NALCN: variants seen among roughly 807,000 people sequenced by gnomAD.
NALCN encodes sodium leak channel, non-selective.
A neutral mutation model predicts 225.3 loss-of-function variants in NALCN; 111 were observed. The observed-to-expected ratio is 0.49, with a 90% confidence interval of 0.42 to 0.58. The LOEUF is 0.58. Ranked by LOEUF, NALCN falls within the 20% of genes least tolerant of loss-of-function variation. The pLI is 0.00. For missense variants in NALCN, 1,378 were observed against 2,202.4 expected, an observed-to-expected ratio of 0.63 and a Z score of 7.49; for synonymous variants, 764 against 769.0, an observed-to-expected ratio of 0.99 and a Z score of 0.11.
chr13:101,286,743 ATAAT>A (rs1050588404), intron 9 of NALCN, among the ~76,000 whole-genome samples: 1 of 151,374 alleles, frequency 6.6e-6, no homozygotes, highest in Non-Finnish European at 1.5e-5. Flanking sequence ...TTCTCATTCT[ATAAT>A]TAAATATTTT....
chr13:101,218,096 G>T (rs764601272), intron 13 of NALCN, among the ~76,000 whole-genome samples: 1 of 151,998 alleles, frequency 6.6e-6, no homozygotes, highest in African/African-American at 2.4e-5. Context: ...GCCAATGAGA[G>T]ATGACAGCAA....
Position 101,055,010 on chromosome 13 carries a change from A to G in NALCN, c.*285T>C, listed in dbSNP as rs113313881. On this transcript the variant is annotated 3_prime_UTR_variant, in exon 44 of 44. Transcript: ENST00000251127. ...TATGAATATATACCTTAGTTTACGC[A>G]GACAGAATATATGACATTTTTAAGT... 3.6e-5 allele frequency: 14 copies of G among 392,918 alleles called. No homozygotes were observed. The highest frequency in any genetic ancestry group is 2.6e-4 in the African/African-American group (13 of 49,202). The allele number at this position is 392,918 out of a possible 1,614,324, so 24.3% of individuals were successfully genotyped here.
At chr13:101,394,251 C>T (rs2047222235) in intron 3 of NALCN, among the ~76,000 whole-genome samples, 1 of 152,166 alleles carries the variant, frequency 6.6e-6, no homozygotes, top group Non-Finnish European at 1.5e-5. Flanking sequence ...TGATCTCTGT[C>T]TTTCAAGGAT....
intron 18 of NALCN, among the ~76,000 whole-genome samples, chr13:101,122,366 C>T (rs1455387350): frequency 5.9e-5 from 9 of 151,940 alleles, no homozygotes; most frequent in Non-Finnish European, 1.0e-4. Context: ...TGATATAGCT[C>T]AGGTAGTTTT....
intron 36 of NALCN, among the ~76,000 whole-genome samples, chr13:101,074,221 A>G (rs916813850): frequency 2.6e-5 from 4 of 152,176 alleles, no homozygotes; most frequent in Admixed American, 2.6e-4. Flanking sequence ...TAGATAGAAA[A>G]AGTGCTGGAA....
At chr13:101,312,326 A>G (rs2044376922) in intron 7 of NALCN, among the ~76,000 whole-genome samples, 1 of 152,098 alleles carries the variant, frequency 6.6e-6, no homozygotes, top group East Asian at 1.9e-4. Flanking sequence ...TGGATTCATT[A>G]ATTTTTTGAA....
intron 9 of NALCN, among the ~76,000 whole-genome samples, chr13:101,287,485 T>G (rs34912180): frequency 3.3e-5 from 5 of 152,080 alleles, no homozygotes; most frequent in African/African-American, 1.2e-4. Context: ...TAATTAACTT[T>G]CCAATCATTG....
intron 6 of NALCN, among the ~76,000 whole-genome samples, chr13:101,352,395 A>G (rs1417512440): frequency 6.6e-6 from 1 of 152,118 alleles, no homozygotes; most frequent in Admixed American, 6.5e-5. Context: ...GGATGGAATA[A>G]ATAGCATAAC....
intron 6 of NALCN, among the ~76,000 whole-genome samples, chr13:101,371,511 T>A (rs1350285248): frequency 6.6e-6 from 1 of 152,144 alleles, no homozygotes; most frequent in Non-Finnish European, 1.5e-5. Context: ...TTTATTTTTT[T>A]AAAAACTGCC....
intron 13 of NALCN, among the ~76,000 whole-genome samples, chr13:101,202,221 T>C (rs918152206): frequency 2.6e-5 from 4 of 152,224 alleles, no homozygotes; most frequent in Non-Finnish European, 5.9e-5. Flanking sequence ...TAAATGCTGG[T>C]CGTACCTAAT....
At chr13:101,381,438 T>C (rs1475094313) in intron 3 of NALCN, among the ~76,000 whole-genome samples, 1 of 152,184 alleles carries the variant, frequency 6.6e-6, no homozygotes, top group Non-Finnish European at 1.5e-5. Context: ...GCATCATACT[T>C]GCCTCGTATA....
At chr13:101,390,259 A>C (rs985613799) in intron 3 of NALCN, among the ~76,000 whole-genome samples, 12 of 152,104 alleles carry the variant, frequency 7.9e-5, no homozygotes, top group African/African-American at 2.9e-4. Flanking sequence ...TGATGTCTAA[A>C]TGATAAGAGA....
In NALCN at chr13:101,259,741, TATATATATATACAC is replaced by T. The variant is rs1348228470; in HGVS notation, c.1135-1181_1135-1168del. The stretch of plus-strand genomic sequence containing the variant: ...TGGGTACATAGTAAGTGTATATATA[TATATATATATACAC>T]ACACACATAAATATATATATATACA... On this transcript the variant is annotated intron_variant, in intron 10 of 43. Coordinates refer to ENST00000251127, the MANE Select transcript of NALCN (RefSeq NM_052867.4). Among the ~76,000 whole-genome samples the T allele has an allele frequency of 1.9e-3, 143 of 73,340 alleles. 1 individual carries two copies. The highest frequency in any genetic ancestry group is 0.018 in the Middle Eastern group (2 of 114). 48.1% of individuals were successfully genotyped at this position (73,340 alleles called of 152,430 possible). A position where few individuals can be genotyped will look rare whatever the true frequency, so the allele number is the denominator to read the frequency against.
chr13:101,390,266 G>C (rs144435269), intron 3 of NALCN, among the ~76,000 whole-genome samples: 3,600 of 151,784 alleles, frequency 0.024, 54 homozygotes, highest in South Asian at 0.064. Context: ...TAAATGATAA[G>C]AGACTAAAAA....
At chr13:101,064,721 G>T (rs1440737493) in intron 40 of NALCN, among the ~76,000 whole-genome samples, 1 of 152,026 alleles carries the variant, frequency 6.6e-6, no homozygotes, top group Non-Finnish European at 1.5e-5. Context: ...GCCTCAGAAG[G>T]AATCAGCCCC....
chr13:101,224,089 T>C (rs1403696016), intron 13 of NALCN, among the ~76,000 whole-genome samples: 1 of 152,140 alleles, frequency 6.6e-6, no homozygotes, highest in East Asian at 1.9e-4. Flanking sequence ...ATTATACCTC[T>C]CTCAAGAAAA....
chr13:101,106,574 A>T (rs2035116081), intron 22 of NALCN, among the ~76,000 whole-genome samples: 1 of 152,112 alleles, frequency 6.6e-6, no homozygotes, highest in African/African-American at 2.4e-5. Context: ...TAGCTCCCAT[A>T]ATTCCCACAT....
intron 10 of NALCN, among the ~76,000 whole-genome samples, chr13:101,262,786 C>G (rs868405099): frequency 1.3e-5 from 2 of 152,162 alleles, no homozygotes; most frequent in African/African-American, 4.8e-5. Flanking sequence ...CTGCCTGGAG[C>G]CGTAACTCCA....
chr13:101,340,308 A>G (rs1477451284), intron 7 of NALCN, among the ~76,000 whole-genome samples: 1 of 152,080 alleles, frequency 6.6e-6, no homozygotes, highest in South Asian at 2.1e-4. Context: ...CCCTGCCCCA[A>G]TGCCTCTCCC....
Sources: gnomAD v4.1 joint callset for allele counts (sites outside exome capture counted in the v4.1 genomes callset) on GRCh38, gnomAD v4.1.1 for gene constraint, MANE v1.5 for transcripts, NCBI Gene and HGNC (gene_info 2026-07-23, HGNC 2026-07-21) for gene names.